Variants in TMEM165 observed in about 807,000 individuals in gnomAD.
The protein encoded by TMEM165 is putative divalent cation/proton antiporter TMEM165.
A neutral mutation model predicts 30.0 loss-of-function variants in TMEM165; 19 were observed. The observed-to-expected ratio is 0.63, with a 90% confidence interval of 0.44 to 0.93. The LOEUF is 0.93. TMEM165 is among the 40% of genes least tolerant of loss of function. The pLI is 0.00. For missense variants in TMEM165, 340 were observed against 417.0 expected (o/e 0.82, Z 1.61); for synonymous variants, 168 against 162.9 (o/e 1.03, Z -0.24).
At chr4:55,449,153 T>C (rs976253740) in intron 3 of TMEM165, among the ~76,000 whole-genome samples, 6 of 136,892 alleles carry the variant, frequency 4.4e-5, no homozygotes, top group African/African-American at 1.7e-4. Flanking sequence ...CAGCTATCAA[T>C]TTTGAGCTTT....
At chr4:55,434,152 C>G (rs561809012) in intron 3 of TMEM165, 1 of 152,580 alleles carries the variant, frequency 6.6e-6, no homozygotes, top group African/African-American at 2.4e-5. Context: ...AAAACTGCTA[C>G]GGAAACCGGA....
rs150446013 is a variant in TMEM165 at position 55,404,464 on chromosome 4, C to T, written c.208-7150C>T. ...TTTTAAAGATAGGGTCTTGCTCTGT[C>T]GCCCTGGCTGGAGTTCAGTGGCACA... On this transcript the variant is annotated intron_variant, in intron 1 of 5. Transcript: ENST00000381334. Among the ~76,000 whole-genome samples the T allele has an allele frequency of 5.6e-3, 858 of 152,072 alleles. 3 individuals are homozygous for T. Among genetic ancestry groups the T allele is most frequent in the Non-Finnish European group, 7.6e-3 (518 of 68,014 alleles).
At chr4:55,449,328 G>A (rs1258353205) in intron 3 of TMEM165, 3 of 1,376,420 alleles carry the variant, frequency 2.2e-6, no homozygotes, top group African/African-American at 1.4e-5. Flanking sequence ...ATGAATTTCT[G>A]AAGATTTAGA....
intron 3 of TMEM165, chr4:55,442,371 T>G: frequency 7.1e-7 from 1 of 1,417,122 alleles, no homozygotes; most frequent in Non-Finnish European, 1.0e-6. Flanking sequence ...GAAATCAAAT[T>G]ATTGTTTTCT....
intron 3 of TMEM165, among the ~76,000 whole-genome samples, chr4:55,436,503 A>C (rs1722887042): frequency 6.6e-6 from 1 of 152,216 alleles, no homozygotes. Context: ...TTTACAATGA[A>C]AGTCCTTTCC....
At chr4:55,453,146 T>C (rs190468121) in exon 4 of TMEM165, 9 of 1,604,084 alleles carry the variant, frequency 5.6e-6, no homozygotes, top group Non-Finnish European at 7.7e-6. Flanking sequence ...ATGGAAAAAA[T>C]AATCAAATTT....
At chr4:55,427,061 TCTCA>T (rs974159094), downstream of TMEM165, among the ~76,000 whole-genome samples, 1 of 133,952 alleles carries the variant, frequency 7.5e-6, no homozygotes, top group Non-Finnish European at 1.6e-5. Flanking sequence ...TTTGAGAGAG[TCTCA>T]CTCTGTCGCC....
At chr4:55,436,059 G>A (rs745460839) in intron 3 of TMEM165, among the ~76,000 whole-genome samples, 4 of 152,114 alleles carry the variant, frequency 2.6e-5, no homozygotes, top group Non-Finnish European at 2.9e-5. Context: ...AGACTGAATG[G>A]TTCAAACTTG....
intron 4 of TMEM165, chr4:55,423,925 A>G (rs1453901309): frequency 6.6e-6 from 1 of 152,452 alleles, no homozygotes; most frequent in African/African-American, 2.4e-5. Flanking sequence ...TCTATTTAGC[A>G]TGTTCCTTCT....
exon 4 of TMEM165, chr4:55,453,180 A>G: frequency 5.0e-6 from 7 of 1,400,710 alleles, no homozygotes; most frequent in Non-Finnish European, 7.1e-6. Flanking sequence ...TTCGTTTAAA[A>G]TACTGCACAG....
intron 1 of TMEM165, among the ~76,000 whole-genome samples, chr4:55,400,515 G>T (rs960855820): frequency 6.8e-6 from 1 of 147,168 alleles, no homozygotes; most frequent in South Asian, 2.1e-4. Flanking sequence ...TTGGCTCACT[G>T]CAAGGTCTGC....
intron 1 of TMEM165, among the ~76,000 whole-genome samples, chr4:55,402,119 C>CAAAAAAAAAAAAAAAAAAA (rs71194551): frequency 3.5e-4 from 37 of 106,920 alleles, no homozygotes; most frequent in African/African-American, 1.5e-3. Context: ...ACTCTGTCTC[C>CAAAAAAAAAAAAAAAAAAA]AAAAAAAAAA....
chr4:55,425,445 G>T lies in TMEM165; in HGVS notation c.968G>T (p.Gly323Val). ...FSALFISPDS[G>V]F ...GCACTATTTATAAGCCCTGATTCTG[G>T]TTTTTAACAAGCTGTTTGTTCATCT... The change falls in exon 6 of 6, where the codon GGT becomes GTT. Residue 323 changes from glycine to valine, a missense_variant. Around this residue, in one of 2 missense-constraint regions of TMEM165, gnomAD observed 220 missense variants for 307.6 expected, o/e 0.72. Transcript: ENST00000381334. 1 of 1,595,448 alleles carries T rather than the reference G, an allele frequency of 6.3e-7. No individual in the cohort carries two copies. The highest frequency in any genetic ancestry group is 8.5e-7 in the Non-Finnish European group (1 of 1,171,806).
chr4:55,411,179 G>T (rs149690623), intron 1 of TMEM165, among the ~76,000 whole-genome samples: 1 of 151,798 alleles, frequency 6.6e-6, no homozygotes, highest in Admixed American at 6.6e-5. Flanking sequence ...GATATAGCAG[G>T]TCTGTACTCT....
intron 4 of TMEM165, chr4:55,423,765 C>G (rs1228995924): frequency 6.6e-6 from 1 of 152,312 alleles, no homozygotes; most frequent in African/African-American, 2.4e-5. Context: ...TACTTTCCAG[C>G]TAAAAACCAA....
chr4:55,433,441 A>G, intron 3 of TMEM165: 1 of 152,648 alleles, frequency 6.6e-6, no homozygotes. Flanking sequence ...TATATGCCTT[A>G]AGGATAACAG....
At chr4:55,417,710 A>G (rs1249159722) in intron 3 of TMEM165, 93 bp from the exon 4 acceptor site, 2 of 1,067,582 alleles carry the variant, frequency 1.9e-6, no homozygotes, top group Admixed American at 5.8e-5. Flanking sequence ...AGCATATTTC[A>G]TAGAATTTAA....
At chr4:55,451,706 T>A (rs1373141038) in intron 3 of TMEM165, among the ~76,000 whole-genome samples, 1 of 152,210 alleles carries the variant, frequency 6.6e-6, no homozygotes, top group Non-Finnish European at 1.5e-5. Flanking sequence ...TTACTTCAGT[T>A]TTCATAATGG....
chr4:55,402,119 C>CAAAAAAAA (rs71194551), intron 1 of TMEM165, among the ~76,000 whole-genome samples: 2,122 of 106,790 alleles, frequency 0.02, 199 homozygotes, highest in African/African-American at 0.099. Flanking sequence ...ACTCTGTCTC[C>CAAAAAAAA]AAAAAAAAAA....
Sources: gnomAD v4.1 joint callset for allele counts (sites outside exome capture counted in the v4.1 genomes callset) on GRCh38, gnomAD v4.1.1 for gene constraint, gnomAD v4.1.1 regional missense constraint, MANE v1.5 for transcripts, NCBI Gene and HGNC (gene_info 2026-07-23, HGNC 2026-07-21) for gene names.